The following PCYT1B variants were observed in gnomAD, a reference collection of about 807,000 sequenced individuals.
PCYT1B encodes phosphate cytidylyltransferase 1B, choline, also known as choline-phosphate cytidylyltransferase B.
In PCYT1B, 10 loss-of-function variants were observed where a neutral mutation model predicts 26.4. The observed-to-expected ratio is 0.38, with a 90% CI of 0.23 to 0.64. The LOEUF (loss-of-function observed/expected upper bound fraction) is 0.64. Ranked by LOEUF, PCYT1B falls within the 30% of genes least tolerant of loss-of-function variation. The probability of loss-of-function intolerance (pLI) is 0.56; values close to 1 mark genes in which losing one functional copy is unlikely to be tolerated. For missense variants in PCYT1B, 161 were observed against 292.7 expected, an observed-to-expected ratio of 0.55 and a Z score of 3.28; for synonymous variants, 131 against 108.4, an observed-to-expected ratio of 1.21 and a Z score of -1.29.
chrX:24,663,848 G>A (rs1042858361), intron 1 of PCYT1B, among the ~76,000 whole-genome samples: 11 of 111,273 alleles, frequency 9.9e-5, no homozygotes, highest in Non-Finnish European at 1.7e-4. Flanking sequence ...GAACTCGGGA[G>A]GTGGAGGTTG....
intron 1 of PCYT1B, among the ~76,000 whole-genome samples, chrX:24,621,400 A>G (rs1377169052): frequency 9.0e-6 from 1 of 111,708 alleles, no homozygotes; most frequent in Non-Finnish European, 1.9e-5. Flanking sequence ...ATTCACTATT[A>G]TATATAATAT....
chrX:24,649,333 G>A (rs990198190), upstream of PCYT1B, among the ~76,000 whole-genome samples: 14 of 111,897 alleles, frequency 1.3e-4, no homozygotes, highest in African/African-American at 4.6e-4. Context: ...TCTCCAAGAA[G>A]TGCAGCAGCA....
chrX:24,649,054 T>C (rs1926711358), upstream of PCYT1B, among the ~76,000 whole-genome samples: 1 of 111,189 alleles, frequency 9.0e-6, no homozygotes, highest in South Asian at 3.9e-4. Flanking sequence ...CAGAATAACA[T>C]CACTTAAGAG....
At chrX:24,608,086 C>G (rs1049935007) in intron 2 of PCYT1B, among the ~76,000 whole-genome samples, 9 of 111,668 alleles carry the variant, frequency 8.1e-5, no homozygotes, top group Non-Finnish European at 1.5e-4. Context: ...TTTTAGCCAA[C>G]AGAAGAGACA....
At chrX:24,607,971 C>G in intron 2 of PCYT1B, 110 bp from the exon 3 acceptor site, 1 of 453,027 alleles carries the variant, frequency 2.2e-6, no homozygotes, top group Non-Finnish European at 3.9e-6. Context: ...TACATACCAT[C>G]AGTTTCATAT....
chrX:24,588,268 A>G (rs1193676281), intron 4 of PCYT1B, among the ~76,000 whole-genome samples: 1 of 111,277 alleles, frequency 9.0e-6, no homozygotes, highest in Non-Finnish European at 1.9e-5. Context: ...GATTACTGAC[A>G]CCAACTTGTA....
At chrX:24,608,205 T>A (rs1320130720) in intron 2 of PCYT1B, among the ~76,000 whole-genome samples, 3 of 111,022 alleles carry the variant, frequency 2.7e-5, no homozygotes, top group Non-Finnish European at 5.7e-5. Flanking sequence ...AGGAGCTCAA[T>A]GGAAAAGGCA....
intron 1 of PCYT1B, among the ~76,000 whole-genome samples, chrX:24,655,746 T>C (rs1428906030): frequency 9.1e-6 from 1 of 109,864 alleles, no homozygotes; most frequent in Non-Finnish European, 1.9e-5. Flanking sequence ...ATTGTGCTAT[T>C]GCACTCCAGC....
intron 7 of PCYT1B, among the ~76,000 whole-genome samples, chrX:24,567,016 A>G (rs1047514685): frequency 1.8e-5 from 2 of 112,502 alleles, no homozygotes; most frequent in African/African-American, 6.5e-5. Flanking sequence ...TTCAAATGCT[A>G]TAAGGATTTG....
intron 7 of PCYT1B, 128 bp from the exon 8 acceptor site, chrX:24,562,633 C>A: frequency 1.9e-6 from 1 of 522,275 alleles, no homozygotes. Context: ...ACACTCATAC[C>A]ACATCCCGTG....
chrX:24,648,634 G>A (rs1275258414), upstream of PCYT1B, among the ~76,000 whole-genome samples: 1 of 108,000 alleles, frequency 9.3e-6, no homozygotes, highest in Admixed American at 1.0e-4. Flanking sequence ...GTGTGGTCTG[G>A]GACCAGCAGC....
At chrX:24,587,973 C>T (rs1924426556) in intron 4 of PCYT1B, among the ~76,000 whole-genome samples, 1 of 112,727 alleles carries the variant, frequency 8.9e-6, no homozygotes, top group African/African-American at 3.2e-5. Flanking sequence ...TCTCTTTTAC[C>T]ACTTGCTGTC....
intron 2 of PCYT1B, among the ~76,000 whole-genome samples, chrX:24,609,654 G>A (rs1413906555): frequency 8.9e-6 from 1 of 112,060 alleles, no homozygotes; most frequent in Non-Finnish European, 1.9e-5. Context: ...AACAAGAAAG[G>A]CAATGACAAT....
chrX:24,619,067 G>C lies in PCYT1B; in HGVS notation c.135C>G (p.Ala45=), dbSNP rs748054417. ...GGCAGTTGGTTTCATCAGCAAATGG[G>C]GCAGGTGCAGTCAGGGTCTAGAAGG... The part of the protein sequence containing the change: ...PQPRLTLTAP[A]PFADETNCQC... The change falls in exon 2 of 8, where the codon GCC becomes GCG. Residue 45 remains alanine, a synonymous_variant. Coordinates refer to ENST00000379144, the MANE Select transcript of PCYT1B (RefSeq NM_004845.5). 8.4e-7 allele frequency: 1 copy of C among 1,193,405 alleles called. No homozygotes were observed. Among genetic ancestry groups the C allele is most frequent in the Admixed American group, 2.2e-5 (1 of 45,178 alleles).
chrX:24,605,167 A>T (rs1925084221), intron 3 of PCYT1B, among the ~76,000 whole-genome samples: 2 of 111,628 alleles, frequency 1.8e-5, no homozygotes, highest in Non-Finnish European at 1.9e-5. Flanking sequence ...TTGGCTCCAA[A>T]CTTCTGCCCA....
chrX:24,618,546 C>T (rs185431530), intron 2 of PCYT1B, among the ~76,000 whole-genome samples: 1 of 110,885 alleles, frequency 9.0e-6, no homozygotes, highest in East Asian at 2.8e-4. Flanking sequence ...TTTACCCTTG[C>T]ACTGCGTTAT....
chrX:24,652,744 A>G (rs1211998589), intron 1 of PCYT1B, among the ~76,000 whole-genome samples: 1 of 110,482 alleles, frequency 9.1e-6, no homozygotes, highest in Non-Finnish European at 1.9e-5. Context: ...AATGACATCT[A>G]CCTTCCTACA....
chrX:24,592,163 G>C (rs1325401958), intron 3 of PCYT1B, among the ~76,000 whole-genome samples: 2 of 111,756 alleles, frequency 1.8e-5, no homozygotes, highest in Non-Finnish European at 3.8e-5. Flanking sequence ...ATACTATTTA[G>C]CTATGAAAAA....
chrX:24,571,501 A>ATCATCATCATCG (rs1426562024), intron 7 of PCYT1B, among the ~76,000 whole-genome samples: 1 of 14,002 alleles, frequency 7.1e-5, no homozygotes, highest in African/African-American at 1.6e-3. Flanking sequence ...CTTATTTACT[A>ATCATCATCATCG]TCATCATCAT....
Sources: allele counts gnomAD v4.1 joint callset (sites outside exome capture counted in the v4.1 genomes callset), GRCh38; gene constraint gnomAD v4.1.1; transcripts MANE v1.5; gene names NCBI Gene and HGNC (gene_info 2026-07-23, HGNC 2026-07-21).